Variants in SAMSN1 observed in about 807,000 individuals in gnomAD.
SAMSN1 encodes SAM domain-containing protein SAMSN-1.
Under a neutral mutation model 42.0 loss-of-function variants are expected in SAMSN1, and 31 were observed. The observed-to-expected ratio is 0.74, with a 90% confidence interval of 0.55 to 1.00. SAMSN1 has a LOEUF of 1.00. Among genes scored for constraint, SAMSN1 ranks in the 50% least tolerant of loss-of-function variants. The pLI, the probability that SAMSN1 is intolerant of heterozygous loss-of-function variation, is 0.00. For synonymous variants in SAMSN1, 178 were observed against 151.9 expected (o/e 1.17, Z -1.26); for missense variants, 464 against 439.4 (o/e 1.06, Z -0.50).
chr21:14,581,344 C>CTTTTTTTTTTTTT (rs56728511), intron 2 of SAMSN1, among the ~76,000 whole-genome samples: 472 of 32,592 alleles, frequency 0.014, 195 homozygotes, highest in Non-Finnish European at 0.019. Flanking sequence ...AATAATATTT[C>CTTTTTTTTTTTTT]TTTTTTTTTT....
At chr21:14,635,973 A>G (rs909775012) in intron 2 of SAMSN1, among the ~76,000 whole-genome samples, 2 of 151,976 alleles carry the variant, frequency 1.3e-5, no homozygotes, top group Admixed American at 1.3e-4. Flanking sequence ...CCCCCACCCC[A>G]CAACAGGCCC....
chr21:14,569,984 TCC>T (rs5842490), intron 2 of SAMSN1, among the ~76,000 whole-genome samples: 5 of 149,658 alleles, frequency 3.3e-5, no homozygotes, highest in Admixed American at 6.6e-5. Context: ...TTAACCACTT[TCC>T]CCCCCCCCAG....
chr21:14,594,021 C>T (rs1276433875), exon 7 of SAMSN1: 2 of 715,636 alleles, frequency 2.8e-6, no homozygotes. Context: ...ACCAGTTCAT[C>T]AACAGTGGTC....
At chr21:14,538,929 C>A (rs1487148861) in intron 1 of SAMSN1, among the ~76,000 whole-genome samples, 1 of 152,152 alleles carries the variant, frequency 6.6e-6, no homozygotes. Flanking sequence ...ACTTGAATCT[C>A]CTTTACTCAA....
chr21:14,517,728 A>G lies in SAMSN1; in HGVS notation c.130-687T>C, dbSNP rs570080555. 2.6e-4 allele frequency among the ~76,000 whole-genome samples: 39 copies of G among 152,324 alleles called. No individual in the cohort carries two copies. The South Asian group carries it at 7.2e-3, about 28-fold the overall frequency. On this transcript the variant is annotated intron_variant, in intron 2 of 7. Coordinates refer to ENST00000400566, the MANE Select transcript of SAMSN1 (RefSeq NM_022136.5). ...TGTGCTTAGGAATTTTGTTAAACCAATGACTCAGAATAAAACACTCTGTTC... is the reference window on the plus strand; with the variant it reads ...TGTGCTTAGGAATTTTGTTAAACCAGTGACTCAGAATAAAACACTCTGTTC...
At position 14,500,781 on chromosome 21, in the gene SAMSN1, C is replaced by T. The variant is rs745779627; in HGVS notation, c.562-46G>A. Reference sequence around the variant, plus strand: ...ACACATTAGATTTCAGAGAACCTCACTGATAGAAAGAATGAAATCATAGAA... The same window carrying T: ...ACACATTAGATTTCAGAGAACCTCATTGATAGAAAGAATGAAATCATAGAA... On this transcript the variant is annotated intron_variant, in intron 5 of 7. Transcript: ENST00000400566. 8.6e-6 allele frequency: 12 copies of T among 1,396,934 alleles called. No individual in the cohort carries two copies. The Admixed American group carries it at 2.1e-4, about 24-fold the overall frequency. The allele number at this position is 1,396,934 out of a possible 1,614,324, so 86.5% of individuals were successfully genotyped here. A position where few individuals can be genotyped will look rare whatever the true frequency, so the allele number is the denominator to read the frequency against.
At chr21:14,622,218 TC>T (rs1189750081) in intron 2 of SAMSN1, among the ~76,000 whole-genome samples, 1 of 152,150 alleles carries the variant, frequency 6.6e-6, no homozygotes, top group Non-Finnish European at 1.5e-5. Context: ...AGAGTGCCTC[TC>T]CTCCTCCAAA....
chr21:14,606,131 C>T (rs546461955), intron 5 of SAMSN1, among the ~76,000 whole-genome samples: 4 of 152,094 alleles, frequency 2.6e-5, no homozygotes, highest in South Asian at 2.1e-4. Context: ...TGAACCACTG[C>T]GCCCGGTCAA....
intron 4 of SAMSN1, among the ~76,000 whole-genome samples, chr21:14,611,918 T>C (rs1568830324): frequency 6.6e-6 from 1 of 152,186 alleles, no homozygotes; most frequent in Non-Finnish European, 1.5e-5. Context: ...AGGGTACCCA[T>C]AAGTTTGGCA....
intron 5 of SAMSN1, 80 bp downstream of exon 5, chr21:14,510,230 A>G: frequency 1.5e-6 from 2 of 1,370,760 alleles, no homozygotes; most frequent in Non-Finnish European, 2.1e-6. Context: ...CTGTCTTCCC[A>G]CTGCTTATAC....
At chr21:14,622,800 C>G (rs1019647222) in intron 2 of SAMSN1, among the ~76,000 whole-genome samples, 3 of 152,102 alleles carry the variant, frequency 2.0e-5, no homozygotes, top group Non-Finnish European at 4.4e-5. Context: ...AGAAGAGCAA[C>G]TCCAAGACAC....
intron 3 of SAMSN1, among the ~76,000 whole-genome samples, chr21:14,514,748 A>G (rs537317935): frequency 1.3e-5 from 2 of 152,012 alleles, no homozygotes; most frequent in African/African-American, 4.8e-5. Context: ...TGAGAAAACC[A>G]TTTTTTTTGT....
intron 5 of SAMSN1, among the ~76,000 whole-genome samples, chr21:14,608,906 A>G (rs1420607749): frequency 6.6e-6 from 1 of 152,160 alleles, no homozygotes; most frequent in Non-Finnish European, 1.5e-5. Context: ...TCATCTTTGT[A>G]AACTCTTAAG....
intron 2 of SAMSN1, among the ~76,000 whole-genome samples, chr21:14,621,938 A>C (rs1983022175): frequency 6.6e-6 from 1 of 152,230 alleles, no homozygotes; most frequent in African/African-American, 2.4e-5. Flanking sequence ...TCCAGAGGAA[A>C]GATCAGGCAG....
At chr21:14,656,234 C>T (rs148239335) in intron 1 of SAMSN1, among the ~76,000 whole-genome samples, 29 of 151,704 alleles carry the variant, frequency 1.9e-4, no homozygotes, top group African/African-American at 6.8e-4. Context: ...AGAAAAAAGA[C>T]GAAGTCCAAA....
chr21:14,488,130 G>C (rs1986519991), intron 7 of SAMSN1, among the ~76,000 whole-genome samples: 1 of 152,026 alleles, frequency 6.6e-6, no homozygotes, highest in Admixed American at 6.6e-5. Flanking sequence ...CATTATCCAA[G>C]TGTTTCTAGA....
intron 2 of SAMSN1, among the ~76,000 whole-genome samples, chr21:14,520,222 G>A (rs1978365413): frequency 6.6e-6 from 1 of 152,154 alleles, no homozygotes; most frequent in African/African-American, 2.4e-5. Flanking sequence ...AAATGTGTAT[G>A]TAGCACTCAC....
At chr21:14,649,862 T>C (rs1050952022) in intron 1 of SAMSN1, among the ~76,000 whole-genome samples, 1 of 147,136 alleles carries the variant, frequency 6.8e-6, no homozygotes, top group Admixed American at 6.7e-5. Context: ...TCTATGCCAA[T>C]GAAAACCAAA....
Position 14,611,984 on chromosome 21 carries a change from C to T in SAMSN1, c.235+892G>A, listed in dbSNP as rs577019303. Among the ~76,000 whole-genome samples, 8 of 152,250 alleles carry T rather than the reference C, an allele frequency of 5.3e-5. No individual in the cohort carries two copies. The East Asian group carries it at 1.4e-3, about 26-fold the overall frequency. ...GCATGGTGGCTCACACCTGTAATCC[C>T]AGCACTTTGAGAGGTCGAGGCAGGC... On this transcript the variant is annotated intron_variant, in intron 4 of 15. Coordinates refer to the SAMSN1 transcript ENST00000647101.
Sources: allele counts gnomAD v4.1 joint callset (sites outside exome capture counted in the v4.1 genomes callset), GRCh38; gene constraint gnomAD v4.1.1; transcripts MANE v1.5; gene names NCBI Gene and HGNC (gene_info 2026-07-23, HGNC 2026-07-21).